PSTPIP1: variants seen among roughly 807,000 people sequenced by gnomAD.
The protein encoded by PSTPIP1 is proline-serine-threonine phosphatase interacting protein 1, also known as proline-serine-threonine phosphatase-interacting protein 1.
PSTPIP1 carries 66 observed loss-of-function variants against 69.6 expected under a neutral mutation model. The ratio of observed to expected loss-of-function variants is 0.95; its 90% CI spans 0.78 to 1.16. The LOEUF (loss-of-function observed/expected upper bound fraction) is 1.16, where lower values mean the gene tolerates loss of function less well. PSTPIP1 is among the 50% of genes most tolerant of loss of function. The pLI is 0.00. For synonymous variants in PSTPIP1, 266 were observed against 222.7 expected, an observed-to-expected ratio of 1.19 and a Z score of -1.73; for missense variants, 603 against 557.4, an observed-to-expected ratio of 1.08 and a Z score of -0.82.
intron 1 of PSTPIP1, among the ~76,000 whole-genome samples, chr15:77,010,045 C>T (rs1264891315): frequency 6.6e-6 from 1 of 152,190 alleles, no homozygotes; most frequent in Non-Finnish European, 1.5e-5. Flanking sequence ...TCAGTGCCTC[C>T]TCCAGGGCTT....
At chr15:77,028,455 C>T in intron 6 of PSTPIP1, 99 bp from the exon 7 acceptor site, 2 of 1,073,724 alleles carry the variant, frequency 1.9e-6, no homozygotes, top group Non-Finnish European at 2.6e-6. Context: ...CCGCAACCCT[C>T]GCCAGGGAAA....
intron 6 of PSTPIP1, 91 bp from the exon 7 acceptor site, chr15:77,028,463 A>C (rs934544126): frequency 3.5e-5 from 40 of 1,134,212 alleles, no homozygotes; most frequent in Non-Finnish European, 4.9e-5. Context: ...CTCGCCAGGG[A>C]AAAAGGGAGG....
chr15:77,003,155 A>G (rs1490453397), intron 1 of PSTPIP1, among the ~76,000 whole-genome samples: 1 of 152,164 alleles, frequency 6.6e-6, no homozygotes, highest in African/African-American at 2.4e-5. Flanking sequence ...CCTCTCATGC[A>G]AAAGAGGACA....
intron 3 of PSTPIP1, among the ~76,000 whole-genome samples, chr15:77,018,733 G>C (rs1301381812): frequency 6.6e-6 from 1 of 152,148 alleles, no homozygotes; most frequent in East Asian, 1.9e-4. Context: ...CTGAGTTCTG[G>C]AAAGGGTCTG....
intron 1 of PSTPIP1, among the ~76,000 whole-genome samples, chr15:77,017,618 T>C (rs2076077297): frequency 1.3e-5 from 2 of 152,042 alleles, no homozygotes; most frequent in South Asian, 2.1e-4. Context: ...GTGATGGTCA[T>C]GGAGACTGCA....
intron 10 of PSTPIP1, chr15:77,031,614 A>G (rs2076419251): frequency 3.6e-6 from 1 of 278,504 alleles, no homozygotes; most frequent in Admixed American, 4.6e-5. Flanking sequence ...AAGCTGGAGG[A>G]CCGTGGCTGC....
intron 1 of PSTPIP1, 113 bp from the exon 2 acceptor site, chr15:77,018,035 G>T (rs2076086038): frequency 9.4e-7 from 1 of 1,059,062 alleles, no homozygotes; most frequent in Non-Finnish European, 1.4e-6. Context: ...CTGAGCAGGG[G>T]AGATGGAGGC....
chr15:77,014,926 G>T (rs2076019755), intron 1 of PSTPIP1, among the ~76,000 whole-genome samples: 1 of 152,216 alleles, frequency 6.6e-6, no homozygotes, highest in African/African-American at 2.4e-5. Flanking sequence ...GGCGAGGGCT[G>T]GGTCCCACAT....
chr15:77,032,457 C>CCTGAGCCTCAAGTGCCAGGACCGGG, intron 11 of PSTPIP1, 63 bp downstream of exon 11: 1 of 1,556,894 alleles, frequency 6.4e-7, no homozygotes. Context: ...AAGGCCCGGC[C>CCTGAGCCTCAAGTGCCAGGACCGGG]CTGAGCCTCA....
chr15:77,022,719 G>A (rs1019183417), intron 3 of PSTPIP1, among the ~76,000 whole-genome samples: 2 of 152,158 alleles, frequency 1.3e-5, no homozygotes, highest in African/African-American at 2.4e-5. Flanking sequence ...TTTCATCTGG[G>A]GCCAAGAAAG....
At chr15:77,032,736 C>A (rs2076451314) in intron 11 of PSTPIP1, 126 bp from the exon 12 acceptor site, 1 of 777,252 alleles carries the variant, frequency 1.3e-6, no homozygotes, top group Non-Finnish European at 2.1e-6. Flanking sequence ...GGGAGCAAGA[C>A]AGGCACCTCC....
chr15:77,004,687 T>TA (rs71143383), intron 1 of PSTPIP1, among the ~76,000 whole-genome samples: 130,589 of 142,736 alleles, frequency 0.91, 59,924 homozygotes, highest in Middle Eastern at 0.97. Flanking sequence ...AACCACTTCT[T>TA]AAAAAAAAAA....
In PSTPIP1 at chr15:76,995,382, G is replaced by T; in HGVS notation, c.-192G>T. 1 of 1,443,284 alleles carries T rather than the reference G, an allele frequency of 6.9e-7. No individual in the cohort carries two copies. Among genetic ancestry groups the T allele is most frequent in the Non-Finnish European group, 9.1e-7 (1 of 1,102,950 alleles). The allele number at this position is 1,443,284 out of a possible 1,614,324, so 89.4% of individuals were successfully genotyped here. On this transcript the variant is annotated 5_prime_UTR_variant, in exon 1 of 15. Coordinates refer to ENST00000558012, the MANE Select transcript of PSTPIP1 (RefSeq NM_003978.5). Reference sequence around the variant, plus strand: ...CTGATTCTAGCCCCAAACAAAACAGGTTGAGCTTTTTCCTCCCCTCAGAAG... The same window carrying T: ...CTGATTCTAGCCCCAAACAAAACAGTTTGAGCTTTTTCCTCCCCTCAGAAG...
chr15:77,015,995 C>T (rs1369484954), intron 1 of PSTPIP1: 3 of 456,240 alleles, frequency 6.6e-6, no homozygotes, highest in Non-Finnish European at 1.3e-5. Context: ...GAATGGCCAG[C>T]GTAGGTTCGG....
At chr15:77,002,226 A>T (rs2152665486) in intron 1 of PSTPIP1, among the ~76,000 whole-genome samples, 1 of 152,336 alleles carries the variant, frequency 6.6e-6, no homozygotes, top group East Asian at 1.9e-4. Flanking sequence ...TCACCTGTGC[A>T]GGGTAGAGCA....
At chr15:77,007,952 CA>C (rs1055713734) in intron 1 of PSTPIP1, 15 of 455,786 alleles carry the variant, frequency 3.3e-5, no homozygotes, top group Non-Finnish European at 5.3e-5. Flanking sequence ...CCTTCTTGGT[CA>C]CCTCCTGAAC....
chr15:77,019,538 G>C (rs546729048), intron 3 of PSTPIP1, among the ~76,000 whole-genome samples: 1 of 152,250 alleles, frequency 6.6e-6, no homozygotes, highest in Admixed American at 6.5e-5. Context: ...GGCATGAGCC[G>C]TGTGTGAGGC....
chr15:77,027,647 C>T lies in PSTPIP1; in HGVS notation c.355-205C>T, dbSNP rs1437821036. 6.2e-6 allele frequency: 4 copies of T among 644,280 alleles called. No homozygotes were observed. The Admixed American group carries it at 6.5e-5, about 10-fold the overall frequency. The allele number at this position is 644,280 out of a possible 1,614,324, so 39.9% of individuals were successfully genotyped here. A position where few individuals can be genotyped will look rare whatever the true frequency, so the allele number is the denominator to read the frequency against. The stretch of plus-strand genomic sequence containing the variant: ...GGTCTGCAGCAAGGACCTCACGGCA[C>T]ACCCATGCCCTGTGATTCTCTGTGG... On this transcript the variant is annotated intron_variant, in intron 5 of 14. Coordinates refer to ENST00000558012, the MANE Select transcript of PSTPIP1 (RefSeq NM_003978.5). The surrounding 1 kb of genome is among the most constrained non-coding windows in gnomAD (Gnocchi z 4.3).
intron 1 of PSTPIP1, among the ~76,000 whole-genome samples, chr15:76,996,034 A>G (rs557539109): frequency 4.5e-4 from 68 of 152,296 alleles, no homozygotes; most frequent in African/African-American, 1.5e-3. Context: ...CTCTCCATCT[A>G]TATAATGGTG....
Sources: gnomAD v4.1 joint callset for allele counts (sites outside exome capture counted in the v4.1 genomes callset) on GRCh38, gnomAD v4.1.1 for gene constraint, Gnocchi (gnomAD v3.1) non-coding constraint, MANE v1.5 for transcripts, NCBI Gene and HGNC (gene_info 2026-07-23, HGNC 2026-07-21) for gene names.